Variants in TRIM39 observed in about 807,000 individuals in gnomAD.
TRIM39 encodes the protein E3 ubiquitin-protein ligase TRIM39.
TRIM39 carries 5 observed loss-of-function variants against 53.6 expected under a neutral mutation model. The ratio of observed to expected loss-of-function variants is 0.09; its 90% CI spans 0.05 to 0.20. The LOEUF (loss-of-function observed/expected upper bound fraction) is 0.20, where lower values mean the gene tolerates loss of function less well. Ranked by LOEUF, TRIM39 falls within the 10% of genes least tolerant of loss-of-function variation. TRIM39 has a pLI of 1.00. For missense variants in TRIM39, 310 were observed against 621.0 expected (o/e 0.50, Z 5.32); for synonymous variants, 196 against 237.6 (o/e 0.82, Z 1.61).
rs1787654946 is a variant in TRIM39, at chr6:30,342,455, T to A, written c.*196T>A. ...CTGGATGAGAGAGCACAGCTGTGAC[T>A]TCCTCCTAACTGTCAGGGTGGGGAG... On this transcript the variant is annotated 3_prime_UTR_variant, in exon 8 of 8. Coordinates refer to ENST00000396551, the Ensembl canonical transcript of TRIM39. The surrounding 1 kb of genome is among the most constrained non-coding windows in gnomAD (Gnocchi z 4.7). 1.6e-6 allele frequency: 1 copy of A among 621,348 alleles called. No homozygotes were observed. The highest frequency in any genetic ancestry group is 2.0e-5 in the South Asian group (1 of 49,790). 38.5% of individuals were successfully genotyped at this position (621,348 alleles called of 1,614,324 possible).
intron 7 of TRIM39, among the ~76,000 whole-genome samples, chr6:30,341,029 G>A (rs1352362813): frequency 6.6e-6 from 1 of 152,058 alleles, no homozygotes; most frequent in East Asian, 1.9e-4. Flanking sequence ...CCAACACGGT[G>A]AAACCCCATC....
chr6:30,341,080 C>T (rs1232463730), intron 7 of TRIM39, among the ~76,000 whole-genome samples: 5 of 151,894 alleles, frequency 3.3e-5, no homozygotes, highest in African/African-American at 7.3e-5. Context: ...TGGTGTTGGG[C>T]GCCTGTAATC....
chr6:30,328,115 C>G (rs1353069816), intron 1 of TRIM39, among the ~76,000 whole-genome samples: 1 of 152,206 alleles, frequency 6.6e-6, no homozygotes, highest in Non-Finnish European at 1.5e-5. Context: ...TATGCATTTC[C>G]AATTCTTCTG....
At chr6:30,341,303 A>T in intron 7 of TRIM39, 1 of 475,478 alleles carries the variant, frequency 2.1e-6, no homozygotes, top group South Asian at 1.7e-5. Flanking sequence ...GTTCCTGGAA[A>T]ACACACATGG....
chr6:30,335,979 C>T lies in TRIM39; in HGVS notation c.780+4C>T, dbSNP rs760412254. 12 of 1,612,900 alleles carry T rather than the reference C, an allele frequency of 7.4e-6. No homozygotes were observed. The highest frequency in any genetic ancestry group is 6.7e-5 in the Admixed American group (4 of 59,994). On this transcript the variant is annotated splice_donor_region_variant and intron_variant, in intron 5 of 7. Coordinates refer to ENST00000396551, the Ensembl canonical transcript of TRIM39. The surrounding 1 kb of genome is among the most constrained non-coding windows in gnomAD (Gnocchi z 4.7). ...GTCAGGCTTCGAGATGCTTAAGGTT[C>T]GACCTTTGCCCCTGCATAGCCCCTC...
chr6:30,338,230 TC>T lies in TRIM39; in HGVS notation c.781-1677del, dbSNP rs1787095561. Reference sequence around the variant, plus strand: ...TTCTTCAATAACTTTTCCTTAGCATTCACAGCCTGGCTTGGTGTTTGGCACA... The same window carrying T: ...TTCTTCAATAACTTTTCCTTAGCATTACAGCCTGGCTTGGTGTTTGGCACA... On this transcript the variant is annotated intron_variant, in intron 5 of 7. Coordinates refer to ENST00000396551, the Ensembl canonical transcript of TRIM39. This position sits in a 1 kb window ranked among gnomAD's most constrained non-coding sequence, Gnocchi z 4.0. Among the ~76,000 whole-genome samples, 1 of 152,194 alleles carries T rather than the reference TC, an allele frequency of 6.6e-6. No individual in the cohort carries two copies. Among genetic ancestry groups the T allele is most frequent in the Non-Finnish European group, 1.5e-5 (1 of 68,046 alleles).
exon 3 of TRIM39, chr6:30,329,472 G>A (rs1358447185): frequency 6.2e-7 from 1 of 1,612,966 alleles, no homozygotes; most frequent in Non-Finnish European, 8.5e-7. Flanking sequence ...TGCAAAGCTT[G>A]CATCACCCGC....
At position 30,339,819 on chromosome 6, in the gene TRIM39, G is replaced by A; in HGVS notation, c.781-89G>A. 1 of 1,566,080 alleles carries A rather than the reference G, an allele frequency of 6.4e-7. No individual in the cohort carries two copies. The highest frequency in any genetic ancestry group is 1.7e-4 in the Middle Eastern group (1 of 5,988). On this transcript the variant is annotated intron_variant, in intron 5 of 7. Transcript: ENST00000396551. This position sits in a 1 kb window ranked among gnomAD's most constrained non-coding sequence, Gnocchi z 4.2. ...TTTATCCTATCCCTATTTTATAGCT[G>A]TGGAACTTTGGGGAGGAGGGGGAAC...
At chr6:30,340,217 G>A (rs1787338435) in intron 6 of TRIM39, 2 of 1,471,284 alleles carry the variant, frequency 1.4e-6, no homozygotes, top group South Asian at 2.3e-5. Flanking sequence ...CAAGATGGCA[G>A]GAGGAAGGGG....
rs1300597723 is a variant in TRIM39, at chr6:30,336,271, TA to T, written c.780+301del. The T allele has an allele frequency of 2.8e-5, 18 of 647,706 alleles. No individual in the cohort carries two copies. In the African/African-American group the frequency reaches 3.0e-4, roughly 11 times the overall value. 40.1% of individuals were successfully genotyped at this position (647,706 alleles called of 1,614,324 possible). A position where few individuals can be genotyped will look rare whatever the true frequency, so the allele number is the denominator to read the frequency against. On this transcript the variant is annotated intron_variant, in intron 5 of 7. Coordinates refer to ENST00000396551, the Ensembl canonical transcript of TRIM39. ...CCTGAGTTAGTGAAAAACTATGCAT[TA>T]AAAATTTTGTAAATGCAGTTACCAT...
chr6:30,340,583 G>A, exon 7 of TRIM39: 1 of 1,613,064 alleles, frequency 6.2e-7, no homozygotes, highest in Non-Finnish European at 8.5e-7. Context: ...TTCCCCGACA[G>A]TACTTTGCCC....
At chr6:30,337,172 G>A (rs1786963795) in intron 5 of TRIM39, among the ~76,000 whole-genome samples, 4 of 152,236 alleles carry the variant, frequency 2.6e-5, no homozygotes, top group African/African-American at 9.6e-5. Flanking sequence ...GGAGGCCAAG[G>A]CAGGTGGATC....
At chr6:30,341,292 A>G in intron 7 of TRIM39, 2 of 456,948 alleles carry the variant, frequency 4.4e-6, no homozygotes, top group Non-Finnish European at 8.9e-6. Flanking sequence ...AAACCAGGCC[A>G]GTTCCTGGAA....
chr6:30,335,970 C>T lies in TRIM39; in HGVS notation c.775C>T (p.Leu259Phe). The change falls in exon 5 of 8, where the codon CTT (leucine) becomes TTT (phenylalanine). Residue 259 changes from leucine to phenylalanine, a missense_variant. Around this residue, in one of 5 missense-constraint regions of TRIM39, gnomAD observed 161 missense variants for 210.0 expected, o/e 0.77. Transcript: ENST00000396551. This position sits in a 1 kb window ranked among gnomAD's most constrained non-coding sequence, Gnocchi z 4.7. ...GTGCTTACAGTCAGGCTTCGAGATG[C>T]TTAAGGTTCGACCTTTGCCCCTGCA... 6.2e-7 allele frequency: 1 copy of T among 1,613,040 alleles called. No individual in the cohort carries two copies. Among genetic ancestry groups the T allele is most frequent in the Non-Finnish European group, 8.5e-7 (1 of 1,180,024 alleles).
intron 4 of TRIM39, among the ~76,000 whole-genome samples, chr6:30,332,668 T>C (rs1786324903): frequency 1.3e-5 from 2 of 152,352 alleles, no homozygotes; most frequent in South Asian, 4.1e-4. Context: ...TTATTGCTAG[T>C]CATTAACTTT....
At chr6:30,333,202 T>C (rs1786407942) in intron 4 of TRIM39, among the ~76,000 whole-genome samples, 1 of 152,138 alleles carries the variant, frequency 6.6e-6, no homozygotes, top group South Asian at 2.1e-4. Context: ...AGTAATAACT[T>C]TTGGTAAAGT....
At chr6:30,327,055 C>G (rs939465674) in intron 1 of TRIM39, 60 bp downstream of exon 1, 1 of 152,064 alleles carries the variant, frequency 6.6e-6, no homozygotes, top group African/African-American at 2.4e-5. Flanking sequence ...GCCGGCTCCG[C>G]AAGCCGCGTC....
rs150193326 is a variant in TRIM39 at position 30,338,521 on chromosome 6, C to T, written c.781-1387C>T. On this transcript the variant is annotated intron_variant, in intron 5 of 7. Coordinates refer to ENST00000396551, the Ensembl canonical transcript of TRIM39. This position sits in a 1 kb window ranked among gnomAD's most constrained non-coding sequence, Gnocchi z 4.0. ...AAATATATTTATCGATTAAGTTGTT[C>T]GTCTTATATGGATGCAGTTCACAGT... 5.8e-3 allele frequency among the ~76,000 whole-genome samples: 868 copies of T among 150,878 alleles called. 2 individuals carry two copies. Among genetic ancestry groups the T allele is most frequent in the Middle Eastern group, 0.031 (9 of 294 alleles).
intron 4 of TRIM39, 103 bp downstream of exon 4, chr6:30,330,979 T>C: frequency 1.5e-6 from 2 of 1,374,510 alleles, no homozygotes; most frequent in South Asian, 2.7e-5. Flanking sequence ...ATTAGAAAAA[T>C]GCAGTTCTCG....
Sources: gnomAD v4.1 joint callset for allele counts (sites outside exome capture counted in the v4.1 genomes callset) on GRCh38, gnomAD v4.1.1 for gene constraint, gnomAD v4.1.1 regional missense constraint, Gnocchi (gnomAD v3.1) non-coding constraint, MANE v1.5 for transcripts, NCBI Gene and HGNC (gene_info 2026-07-23, HGNC 2026-07-21) for gene names.